Variants in CCDC163 observed in about 807,000 individuals in gnomAD.
The protein encoded by CCDC163 is CCDC163 homolog.
In CCDC163, 13 loss-of-function variants were observed where a neutral mutation model predicts 8.2. The observed-to-expected ratio is 1.59, with a 90% confidence interval of 1.04 to 2.54. The LOEUF (loss-of-function observed/expected upper bound fraction) is 2.54, where lower values mean the gene tolerates loss of function less well. CCDC163 is among the 30% of genes most tolerant of loss of function. CCDC163 has a pLI of 0.00. For missense variants in CCDC163, 117 were observed against 78.6 expected, an observed-to-expected ratio of 1.49 and a Z score of -1.85; for synonymous variants, 41 against 30.9, an observed-to-expected ratio of 1.33 and a Z score of -1.08.
intron 3 of CCDC163, among the ~76,000 whole-genome samples, chr1:45,497,059 G>A (rs1654217062): frequency 1.3e-5 from 2 of 152,178 alleles, no homozygotes; most frequent in Admixed American, 1.3e-4. Flanking sequence ...TGTAATCCCA[G>A]CTACTCAGGA....
intron 4 of CCDC163, chr1:45,495,599 C>A: frequency 1.5e-6 from 1 of 685,988 alleles, no homozygotes; most frequent in East Asian, 2.7e-5. Flanking sequence ...ATCAAGGGGG[C>A]CCTTCCAACA....
intron 2 of CCDC163, 115 bp from the exon 3 acceptor site, chr1:45,497,498 A>C: frequency 1.6e-6 from 1 of 618,618 alleles, no homozygotes; most frequent in Non-Finnish European, 3.0e-6. Flanking sequence ...AAAAGTTCAA[A>C]GGCCTCAAGA....
intron 4 of CCDC163, among the ~76,000 whole-genome samples, chr1:45,495,951 C>T (rs1005668891): frequency 6.6e-6 from 1 of 152,142 alleles, no homozygotes; most frequent in African/African-American, 2.4e-5. Flanking sequence ...AGCCACCGCG[C>T]CCTGCCAATC....
rs1653950847 is a variant in CCDC163, at chr1:45,494,892, T to G, written c.*167A>C. 4.9e-6 allele frequency: 3 copies of G among 607,046 alleles called. No individual in the cohort carries two copies. The highest frequency in any genetic ancestry group is 8.8e-6 in the Non-Finnish European group (3 of 339,098). 37.6% of individuals were successfully genotyped at this position (607,046 alleles called of 1,614,324 possible). ...CTGGGAGGCGGAGGTTGCAGTGAGC[T>G]GAGATGGGGGGCAAGGATGGGCAGG... On this transcript the variant is annotated 3_prime_UTR_variant, in exon 5 of 5. Transcript: ENST00000629482.
Position 45,495,093 on chromosome 1 carries a change from C to A in CCDC163, c.404G>T (p.Arg135Met), listed in dbSNP as rs1020215911. 2.6e-6 allele frequency: 2 copies of A among 780,712 alleles called. No homozygotes were observed. Among genetic ancestry groups the A allele is most frequent in the African/African-American group, 3.4e-5 (2 of 59,110 alleles). The allele number at this position is 780,712 out of a possible 1,614,324, so 48.4% of individuals were successfully genotyped here. Residue 135 changes from arginine (R) to methionine (M), a missense_variant, in exon 5 of 5, where the codon AGG (arginine) becomes ATG (methionine). Arg to Met is a moderately conservative substitution (Grantham distance 91, BLOSUM62 -1). Transcript: ENST00000629482. ...FSSMPRVLSK[R>M]TYSFGAPKCS Reference sequence around the variant, plus strand: ...TTTTGGGGCCCCAAAGGAATAGGTCCTCTTGCTTAAGACTCTGGGCATGGA... The same window carrying A: ...TTTTGGGGCCCCAAAGGAATAGGTCATCTTGCTTAAGACTCTGGGCATGGA...
At position 45,494,148 on chromosome 1, in the gene CCDC163, G is replaced by A. The variant is rs1363948267; in HGVS notation, c.*911C>T. Reference sequence around the variant, plus strand: ...GGATGATGTGTGGAGATGCCAAAGAGAGCCTCAAGCAGTAGAAGCTGGGGC... The same window carrying A: ...GGATGATGTGTGGAGATGCCAAAGAAAGCCTCAAGCAGTAGAAGCTGGGGC... On this transcript the variant is annotated 3_prime_UTR_variant, in exon 5 of 5. Transcript: ENST00000629482. The A allele has an allele frequency of 6.6e-6, 1 of 152,144 alleles. No individual in the cohort carries two copies. The highest frequency in any genetic ancestry group is 1.5e-5 in the Non-Finnish European group (1 of 68,060). 9.4% of individuals were successfully genotyped at this position (152,144 alleles called of 1,614,324 possible).
intron 4 of CCDC163, among the ~76,000 whole-genome samples, chr1:45,495,886 G>C (rs1268801555): frequency 2.0e-5 from 3 of 152,072 alleles, no homozygotes; most frequent in Non-Finnish European, 4.4e-5. Flanking sequence ...TTGAACTCCT[G>C]ACCTCAGGTG....
chr1:45,495,195 C>G, intron 4 of CCDC163, 29 bp from the exon 5 acceptor site: 2 of 780,756 alleles, frequency 2.6e-6, no homozygotes, highest in Middle Eastern at 4.5e-4. Flanking sequence ...GAAGAGAAAA[C>G]AAGTCATCAG....
Position 45,499,715 on chromosome 1 carries a change from T to C in CCDC163, c.-106A>G. The C allele has an allele frequency of 1.5e-6, 1 of 670,488 alleles. No homozygotes were observed. Among genetic ancestry groups the C allele is most frequent in the Non-Finnish European group, 2.7e-6 (1 of 364,712 alleles). The allele number at this position is 670,488 out of a possible 1,614,324, so 41.5% of individuals were successfully genotyped here. ...CCCCAGGAAAGGCCACCACGTTAGA[T>C]GGAAAGAGGGAAGTGGGGATGCAAC... is the stretch of plus-strand genomic sequence containing the variant. On this transcript the variant is annotated 5_prime_UTR_variant, in exon 1 of 5. Transcript: ENST00000629482.
rs1653876791 is a variant in CCDC163, at chr1:45,494,196, C to T, written c.*863G>A. On this transcript the variant is annotated 3_prime_UTR_variant, in exon 5 of 5. Transcript: ENST00000629482. ...GGCTAGGCATGGTAGCAGCTCACACCTGTAATCTGAACACTTTGGGAGGCC... is the reference window on the plus strand; with the variant it reads ...GGCTAGGCATGGTAGCAGCTCACACTTGTAATCTGAACACTTTGGGAGGCC... 6.6e-6 allele frequency: 1 copy of T among 152,204 alleles called. No individual in the cohort carries two copies. The highest frequency in any genetic ancestry group is 2.4e-5 in the African/African-American group (1 of 41,412). The allele number at this position is 152,204 out of a possible 1,614,324, so 9.4% of individuals were successfully genotyped here. A position where few individuals can be genotyped will look rare whatever the true frequency, so the allele number is the denominator to read the frequency against.
Position 45,499,783 on chromosome 1 carries a change from T to C in CCDC163, c.-174A>G. On this transcript the variant is annotated 5_prime_UTR_variant, in exon 1 of 5. Transcript: ENST00000629482. ...CACTATCAGACCAAAACTGCGATCC[T>C]GTGACTAGGGAAAGGAAGGACGCTC... is the stretch of plus-strand genomic sequence containing the variant. 1 of 604,168 alleles carries C rather than the reference T, an allele frequency of 1.7e-6. No individual in the cohort carries two copies. The highest frequency in any genetic ancestry group is 3.0e-6 in the Non-Finnish European group (1 of 337,564). The allele number at this position is 604,168 out of a possible 1,614,324, so 37.4% of individuals were successfully genotyped here. A position where few individuals can be genotyped will look rare whatever the true frequency, so the allele number is the denominator to read the frequency against.
At position 45,494,848 on chromosome 1, in the gene CCDC163, G is replaced by C; in HGVS notation, c.*211C>G. 1.8e-6 allele frequency: 1 copy of C among 559,626 alleles called. No individual in the cohort carries two copies. Among genetic ancestry groups the C allele is most frequent in the Non-Finnish European group, 3.2e-6 (1 of 312,530 alleles). The allele number at this position is 559,626 out of a possible 1,614,324, so 34.7% of individuals were successfully genotyped here. Reference sequence around the variant, plus strand: ...AATCCCAGCTACTTGGGAGGCTGAGGCAGGACAATTGCTTGAACCTGGGAG... The same window carrying C: ...AATCCCAGCTACTTGGGAGGCTGAGCCAGGACAATTGCTTGAACCTGGGAG... On this transcript the variant is annotated 3_prime_UTR_variant, in exon 5 of 5. Transcript: ENST00000629482.
At chr1:45,497,654 C>T (rs1199385206) in intron 2 of CCDC163, among the ~76,000 whole-genome samples, 4 of 99,620 alleles carry the variant, frequency 4.0e-5, no homozygotes, top group Non-Finnish European at 5.9e-5. Flanking sequence ...GCCACCCCGT[C>T]TGGGAAGTGA....
intron 2 of CCDC163, among the ~76,000 whole-genome samples, chr1:45,498,115 T>A (rs1401502875): frequency 4.0e-5 from 6 of 151,692 alleles, no homozygotes; most frequent in African/African-American, 1.5e-4. Context: ...ATGTGCTGTG[T>A]CCACTCAGAG....
chr1:45,497,714 GTCA>G (rs1643370457), intron 2 of CCDC163, among the ~76,000 whole-genome samples: 3 of 43,684 alleles, frequency 6.9e-5, no homozygotes, highest in Non-Finnish European at 1.3e-4. Flanking sequence ...GGTGGAGGGG[GTCA>G]GCCCCCCGCC....
Position 45,496,210 on chromosome 1 carries a change from T to G in CCDC163, c.330+346A>C, listed in dbSNP as rs866739981. On this transcript the variant is annotated intron_variant, in intron 4 of 4. Coordinates refer to ENST00000629482, the MANE Select transcript of CCDC163 (RefSeq NM_001102601.3). ...CAGGCATCTTGGTCCTCTGTCCTGG[T>G]AGCCTCCAGGGTATGACCCTTGCCT... 3 of 389,192 alleles carry G rather than the reference T, an allele frequency of 7.7e-6. No individual in the cohort carries two copies. The Admixed American group carries it at 1.1e-4, about 14-fold the overall frequency. The allele number at this position is 389,192 out of a possible 1,614,324, so 24.1% of individuals were successfully genotyped here. A position where few individuals can be genotyped will look rare whatever the true frequency, so the allele number is the denominator to read the frequency against.
intron 2 of CCDC163, chr1:45,498,394 C>CAAAAAAAAAAAAAAAAAAAA (rs779532347): frequency 9.6e-6 from 1 of 104,298 alleles, no homozygotes; most frequent in African/African-American, 3.4e-5. Context: ...AAAACAAACC[C>CAAAAAAAAAAAAAAAAAAAA]AAAAAAAAAA....
intron 4 of CCDC163, chr1:45,496,297 C>T: frequency 1.8e-6 from 1 of 552,306 alleles, no homozygotes; most frequent in Admixed American, 2.8e-5. Context: ...GGAACCAAAC[C>T]TCTCCCTCTC....
At chr1:45,499,316 G>T (rs753330192) in intron 2 of CCDC163, 29 bp downstream of exon 2, 3 of 754,234 alleles carry the variant, frequency 4.0e-6, no homozygotes, top group Non-Finnish European at 7.4e-6. Context: ...AAGAGAAAGG[G>T]CTTGGAAGTA....
Sources: allele counts gnomAD v4.1 joint callset (sites outside exome capture counted in the v4.1 genomes callset), GRCh38; gene constraint gnomAD v4.1.1; transcripts MANE v1.5; gene names NCBI Gene and HGNC (gene_info 2026-07-23, HGNC 2026-07-21).